THSD7B: variants seen among roughly 807,000 people sequenced by gnomAD.
The protein encoded by THSD7B is thrombospondin type 1 domain containing 7B.
In THSD7B, 138 loss-of-function variants were observed where a neutral mutation model predicts 213.6. That is an observed-to-expected ratio of 0.65 (90% CI 0.56 to 0.74). The LOEUF (loss-of-function observed/expected upper bound fraction) is 0.74, where lower values mean the gene tolerates loss of function less well. Among genes scored for constraint, THSD7B ranks in the 30% least tolerant of loss-of-function variants. The pLI is 0.00. For synonymous variants in THSD7B, 742 were observed against 687.0 expected, an observed-to-expected ratio of 1.08 and a Z score of -1.25; for missense variants, 1,931 against 1,991.5, an observed-to-expected ratio of 0.97 and a Z score of 0.58.
intron 7 of THSD7B, among the ~76,000 whole-genome samples, chr2:137,202,360 C>T (rs1680895902): frequency 6.6e-6 from 1 of 152,008 alleles, no homozygotes; most frequent in African/African-American, 2.4e-5. Flanking sequence ...CTCAGATGGA[C>T]CCTAGATGTC....
intron 1 of THSD7B, among the ~76,000 whole-genome samples, chr2:136,830,271 A>G (rs1424012973): frequency 6.6e-6 from 1 of 152,180 alleles, no homozygotes; most frequent in African/African-American, 2.4e-5. Flanking sequence ...TGACAAATGA[A>G]ATTTTTTATG....
intron 3 of THSD7B, among the ~76,000 whole-genome samples, chr2:137,074,492 A>G (rs1054941579): frequency 6.6e-6 from 1 of 152,028 alleles, no homozygotes; most frequent in African/African-American, 2.4e-5. Context: ...TGCATGTGAG[A>G]TGGGTTTCCT....
rs539281288 is a variant in THSD7B at position 136,961,019 on chromosome 2, A to G, written c.139+78702A>G. Among the ~76,000 whole-genome samples, 16 of 123,122 alleles carry G rather than the reference A, an allele frequency of 1.3e-4. No individual in the cohort carries two copies. The South Asian group carries it at 3.1e-3, about 24-fold the overall frequency. The allele number at this position is 123,122 out of a possible 152,430, so 80.8% of individuals were successfully genotyped here. On this transcript the variant is annotated intron_variant, in intron 2 of 27. Coordinates refer to ENST00000409968, the MANE Select transcript of THSD7B (RefSeq NM_001316349.2). The stretch of plus-strand genomic sequence containing the variant: ...TAGAAGAATGGCGTGAACCCGGGAG[A>G]TGGAGCTTGCAGTGAGCCAAGACCG...
At chr2:137,395,411 T>C (rs1574003352) in intron 12 of THSD7B, among the ~76,000 whole-genome samples, 1 of 150,134 alleles carries the variant, frequency 6.7e-6, no homozygotes, top group East Asian at 2.0e-4. Context: ...TCTGCATCTA[T>C]TGAGATAATC....
chr2:136,877,938 T>C (rs1683551348), intron 1 of THSD7B, among the ~76,000 whole-genome samples: 1 of 152,048 alleles, frequency 6.6e-6, no homozygotes, highest in South Asian at 2.1e-4. Flanking sequence ...TTTTTAATTA[T>C]ACTTTAAGTT....
chr2:137,287,558 A>G (rs1269710066), intron 12 of THSD7B, among the ~76,000 whole-genome samples: 2 of 152,180 alleles, frequency 1.3e-5, no homozygotes, highest in African/African-American at 4.8e-5. Flanking sequence ...TAAATTAAAA[A>G]TAAATATTAA....
At chr2:137,182,073 A>G (rs1680466046) in intron 7 of THSD7B, among the ~76,000 whole-genome samples, 1 of 152,184 alleles carries the variant, frequency 6.6e-6, no homozygotes, top group Non-Finnish European at 1.5e-5. Context: ...AGAAGGGCCA[A>G]TCAGCATCCT....
intron 14 of THSD7B, among the ~76,000 whole-genome samples, chr2:137,418,065 C>T (rs553671986): frequency 3.3e-5 from 5 of 152,214 alleles, no homozygotes; most frequent in East Asian, 1.9e-4. Flanking sequence ...TCTATGTTTT[C>T]GTGTTGTGAT....
At chr2:137,128,250 A>T (rs1271821735) in intron 5 of THSD7B, among the ~76,000 whole-genome samples, 2 of 152,198 alleles carry the variant, frequency 1.3e-5, no homozygotes, top group Non-Finnish European at 2.9e-5. Context: ...TTTAACACTT[A>T]TAACTTTAAT....
chr2:137,596,554 A>G (rs771576814), intron 17 of THSD7B, among the ~76,000 whole-genome samples: 1 of 152,120 alleles, frequency 6.6e-6, no homozygotes, highest in Non-Finnish European at 1.5e-5. Flanking sequence ...CCATTGAGAT[A>G]AAATGAATTG....
At position 137,567,003 on chromosome 2, in the gene THSD7B, C is replaced by T. The variant is rs143605110; in HGVS notation, c.3272+3649C>T. Among the ~76,000 whole-genome samples the T allele has an allele frequency of 4.9e-3, 746 of 152,198 alleles. 5 individuals are homozygous for T. Among genetic ancestry groups the T allele is most frequent in the Middle Eastern group, 0.02 (6 of 294 alleles). ...AAGGAGAGTAAAAAGCAGGAGCCTTCTTGGCTTATTAACAGAGTAACAAGC... is the reference window on the plus strand; with the variant it reads ...AAGGAGAGTAAAAAGCAGGAGCCTTTTTGGCTTATTAACAGAGTAACAAGC... On this transcript the variant is annotated intron_variant, in intron 16 of 27. Coordinates refer to ENST00000409968, the MANE Select transcript of THSD7B (RefSeq NM_001316349.2).
intron 21 of THSD7B, among the ~76,000 whole-genome samples, chr2:137,647,986 G>A (rs543993288): frequency 6.6e-6 from 1 of 152,284 alleles, no homozygotes; most frequent in African/African-American, 2.4e-5. Context: ...GCTATCAACT[G>A]AAGTTATCCA....
Position 137,113,154 on chromosome 2 carries a change from A to ATG in THSD7B, c.1200-1969_1200-1968dup, listed in dbSNP as rs1001524207. Among the ~76,000 whole-genome samples, 8 of 152,250 alleles carry ATG rather than the reference A, an allele frequency of 5.3e-5. No individual in the cohort carries two copies. The East Asian group carries it at 5.8e-4, about 11-fold the overall frequency. On this transcript the variant is annotated intron_variant, in intron 4 of 27. Coordinates refer to ENST00000409968, the MANE Select transcript of THSD7B (RefSeq NM_001316349.2). ...AATCCTTGGAGGAAGAGGGTTTGAA[A>ATG]TGAGATCTTGGTAATCATCCACCCC...
rs1427422085 is a variant in THSD7B, at chr2:137,310,426, T to A, written c.2500+34400T>A. Among the ~76,000 whole-genome samples the A allele has an allele frequency of 2.7e-5, 4 of 148,534 alleles. 1 individual carries two copies. The highest frequency in any genetic ancestry group is 2.3e-4 in the South Asian group (1 of 4,324). The stretch of plus-strand genomic sequence containing the variant: ...TTAGCCCTTTGTCAGATGAGTAGGT[T>A]GTGAAAATTTTCTCCCATTTTGTAG... On this transcript the variant is annotated intron_variant, in intron 12 of 27. Coordinates refer to ENST00000409968, the MANE Select transcript of THSD7B (RefSeq NM_001316349.2).
chr2:137,095,176 G>A (rs745396730), intron 4 of THSD7B, 55 bp downstream of exon 4: 7 of 1,593,552 alleles, frequency 4.4e-6, no homozygotes, highest in East Asian at 4.5e-5. Flanking sequence ...TAATGTTGTA[G>A]GAATGTTAAC....
chr2:137,545,793 T>C (rs1229539599), intron 15 of THSD7B, among the ~76,000 whole-genome samples: 2 of 151,766 alleles, frequency 1.3e-5, no homozygotes, highest in African/African-American at 4.8e-5. Context: ...ATGTGGAACA[T>C]AAAAGGTGTG....
chr2:137,574,731 T>G (rs143421623), intron 17 of THSD7B, among the ~76,000 whole-genome samples: 2 of 152,224 alleles, frequency 1.3e-5, no homozygotes, highest in Admixed American at 1.3e-4. Context: ...TCTAGGTATA[T>G]TGCATAACTT....
chr2:137,358,398 T>G (rs1355663930), intron 12 of THSD7B, among the ~76,000 whole-genome samples: 3 of 152,222 alleles, frequency 2.0e-5, no homozygotes, highest in African/African-American at 7.2e-5. Context: ...TGGACTGATT[T>G]AATTTGCAGA....
intron 12 of THSD7B, among the ~76,000 whole-genome samples, chr2:137,281,237 T>G (rs2104817767): frequency 6.6e-6 from 1 of 152,280 alleles, no homozygotes; most frequent in African/African-American, 2.4e-5. Context: ...TTTTGATGGA[T>G]TCTGTCTGTT....
Sources: allele counts gnomAD v4.1 joint callset (sites outside exome capture counted in the v4.1 genomes callset), GRCh38; gene constraint gnomAD v4.1.1; transcripts MANE v1.5; gene names NCBI Gene and HGNC (gene_info 2026-07-23, HGNC 2026-07-21).